The following SLC45A1 variants were observed in gnomAD, a reference collection of about 807,000 sequenced individuals.
SLC45A1 encodes the protein proton-associated sugar transporter A.
SLC45A1 carries 28 observed loss-of-function variants against 57.6 expected under a neutral mutation model. The observed-to-expected ratio is 0.49, with a 90% confidence interval of 0.36 to 0.67. The LOEUF is 0.67. Ranked by LOEUF, SLC45A1 falls within the 30% of genes least tolerant of loss-of-function variation. The pLI is 0.00. For missense variants in SLC45A1, 814 were observed against 1,041.5 expected (o/e 0.78, Z 3.01); for synonymous variants, 459 against 471.5 (o/e 0.97, Z 0.34).
Position 8,330,804 on chromosome 1 carries a change from G to A in SLC45A1, c.1311G>A (p.Val437=). Residue 437 remains valine, a synonymous_variant, in exon 5 of 9, where the codon GTG becomes GTA. Transcript: ENST00000471889. This position sits in a 1 kb window ranked among gnomAD's most constrained non-coding sequence, Gnocchi z 8.4. ...TSGCDGDILR[V]GSLDTSKPRS... ...GCTGTGACGGGGACATTCTGAGGGT[G>A]GGCTCCTTGGACACCTCTAAGCCGA... 6.2e-7 allele frequency: 1 copy of A among 1,613,498 alleles called. No individual in the cohort carries two copies. The highest frequency in any genetic ancestry group is 8.5e-7 in the Non-Finnish European group (1 of 1,180,038).
In SLC45A1 at chr1:8,330,110, A is replaced by G; in HGVS notation, c.716-99A>G. 1 of 1,422,374 alleles carries G rather than the reference A, an allele frequency of 7.0e-7. No individual in the cohort carries two copies. Among genetic ancestry groups the G allele is most frequent in the Non-Finnish European group, 9.6e-7 (1 of 1,041,570 alleles). 88.1% of individuals were successfully genotyped at this position (1,422,374 alleles called of 1,614,324 possible). A position where few individuals can be genotyped will look rare whatever the true frequency, so the allele number is the denominator to read the frequency against. On this transcript the variant is annotated intron_variant, in intron 4 of 8. Coordinates refer to ENST00000471889, the MANE Select transcript of SLC45A1 (RefSeq NM_001080397.3). This position sits in a 1 kb window ranked among gnomAD's most constrained non-coding sequence, Gnocchi z 8.4. ...CAGGTTCTGTGCCCACGTCCCTGGA[A>G]TGGCCTTGGCTACCTTCATGTCCTT...
chr1:8,343,779 G>A lies in SLC45A1; in HGVS notation c.2013G>A (p.Arg671=). Residue 671 remains arginine, a synonymous_variant, in exon 9 of 9, where the codon CGG becomes CGA. Transcript: ENST00000471889. This position sits in a 1 kb window ranked among gnomAD's most constrained non-coding sequence, Gnocchi z 7.7. The part of the protein sequence containing the change: ...FAGSSADGTR[R]GMGVDISLLS... Reference sequence around the variant, plus strand: ...GGTCCAGTGCGGACGGCACCCGGCGGGGCATGGGCGTGGACATCTCTCTGC... The same window carrying A: ...GGTCCAGTGCGGACGGCACCCGGCGAGGCATGGGCGTGGACATCTCTCTGC... 1 of 1,613,888 alleles carries A rather than the reference G, an allele frequency of 6.2e-7. No individual in the cohort carries two copies. The highest frequency in any genetic ancestry group is 8.5e-7 in the Non-Finnish European group (1 of 1,179,868).
At position 8,324,432 on chromosome 1, in the gene SLC45A1, G is replaced by C; in HGVS notation, c.103G>C (p.Val35Leu). 1 of 1,612,798 alleles carries C rather than the reference G, an allele frequency of 6.2e-7. No individual in the cohort carries two copies. The highest frequency in any genetic ancestry group is 1.1e-5 in the South Asian group (1 of 91,068). The change falls in exon 2 of 9, where the codon GTG becomes CTG. Residue 35 changes from valine (V) to leucine (L), a missense_variant. Coordinates refer to ENST00000471889, the MANE Select transcript of SLC45A1 (RefSeq NM_001080397.3). ...CCAGGTCACGGGCTACTCGGGGTCC[G>C]TGACACGACACCTCAGTCACCGGGC... ...RSQVTGYSGS[V>L]TRHLSHRANN... is the part of the protein sequence containing the mutation.
chr1:8,322,731 C>T (rs1391840953), intron 1 of SLC45A1, among the ~76,000 whole-genome samples: 1 of 152,164 alleles, frequency 6.6e-6, no homozygotes, highest in African/African-American at 2.4e-5. Flanking sequence ...TTATCTTGGT[C>T]AATGACAAGC....
chr1:8,330,171 C>T lies in SLC45A1; in HGVS notation c.716-38C>T. 1.9e-6 allele frequency: 3 copies of T among 1,594,852 alleles called. No individual in the cohort carries two copies. The highest frequency in any genetic ancestry group is 2.6e-6 in the Non-Finnish European group (3 of 1,169,884). ...GGCCACCGCGTTTGGGGCTTCTCCT[C>T]CCGCAGAAGGGAACTCAAACCCTGT... On this transcript the variant is annotated intron_variant, in intron 4 of 8. Coordinates refer to ENST00000471889, the MANE Select transcript of SLC45A1 (RefSeq NM_001080397.3). The surrounding 1 kb of genome is among the most constrained non-coding windows in gnomAD (Gnocchi z 8.4).
Position 8,337,664 on chromosome 1 carries a change from C to T in SLC45A1, c.1598-152C>T, listed in dbSNP as rs1006057784. The T allele has an allele frequency of 5.1e-5, 32 of 623,222 alleles. 1 individual carries two copies. The highest frequency in any genetic ancestry group is 7.4e-5 in the African/African-American group (4 of 53,728). The allele number at this position is 623,222 out of a possible 1,614,324, so 38.6% of individuals were successfully genotyped here. Reference sequence around the variant, plus strand: ...CGATTTCCTGACCCTGTGATCCGCCCGCCTCAGCCTCCCAAAGTGCTGGGA... The same window carrying T: ...CGATTTCCTGACCCTGTGATCCGCCTGCCTCAGCCTCCCAAAGTGCTGGGA... On this transcript the variant is annotated intron_variant, in intron 6 of 8. Transcript: ENST00000471889.
intron 1 of SLC45A1, among the ~76,000 whole-genome samples, chr1:8,322,752 G>A (rs1640072775): frequency 6.6e-6 from 1 of 152,218 alleles, no homozygotes; most frequent in South Asian, 2.1e-4. Context: ...GCCATCATCA[G>A]AAATCAATGT....
At chr1:8,340,004 C>T (rs1479731876) in intron 8 of SLC45A1, among the ~76,000 whole-genome samples, 1 of 152,210 alleles carries the variant, frequency 6.6e-6, no homozygotes, top group African/African-American at 2.4e-5. Context: ...CACCGGGTCT[C>T]CTGTTGATGC....
Position 8,343,815 on chromosome 1 carries a change from G to A in SLC45A1, c.2049G>A (p.Gln683=), listed in dbSNP as rs929272772. Residue 683 remains glutamine (Q), a synonymous_variant, in exon 9 of 9, where the codon CAG becomes CAA. Coordinates refer to ENST00000471889, the MANE Select transcript of SLC45A1 (RefSeq NM_001080397.3). This position sits in a 1 kb window ranked among gnomAD's most constrained non-coding sequence, Gnocchi z 7.7. The part of the protein sequence containing the change: ...MGVDISLLSC[Q]YFLAQILVSL... Reference sequence around the variant, plus strand: ...TGGACATCTCTCTGCTGAGCTGCCAGTACTTCCTGGCTCAGATTCTGGTCT... The same window carrying A: ...TGGACATCTCTCTGCTGAGCTGCCAATACTTCCTGGCTCAGATTCTGGTCT... The A allele has an allele frequency of 1.2e-6, 2 of 1,614,200 alleles. No homozygotes were observed. The highest frequency in any genetic ancestry group is 1.7e-6 in the Non-Finnish European group (2 of 1,180,028).
At chr1:8,339,356 TG>T in intron 7 of SLC45A1, 136 bp from the exon 8 acceptor site, 1 of 758,854 alleles carries the variant, frequency 1.3e-6, no homozygotes, top group Non-Finnish European at 2.2e-6. Flanking sequence ...AAGTACTTTC[TG>T]GTCTGGGGCA....
chr1:8,320,702 C>CT (rs1639984194), intron 1 of SLC45A1, among the ~76,000 whole-genome samples: 5 of 101,514 alleles, frequency 4.9e-5, no homozygotes, highest in Admixed American at 1.9e-4. Flanking sequence ...TACACACACA[C>CT]ACACACACAC....
chr1:8,320,037 ATTC>A (rs886444572), intron 1 of SLC45A1, among the ~76,000 whole-genome samples: 1 of 152,156 alleles, frequency 6.6e-6, no homozygotes. Context: ...AGTTTCTAAA[ATTC>A]TTCTTATGAT....
At chr1:8,319,322 C>T (rs1639920537) in intron 1 of SLC45A1, among the ~76,000 whole-genome samples, 1 of 152,114 alleles carries the variant, frequency 6.6e-6, no homozygotes, top group South Asian at 2.1e-4. Flanking sequence ...GGGAGGTGGC[C>T]CAAGGCAACC....
chr1:8,325,750 A>G lies in SLC45A1; in HGVS notation c.491-68A>G, dbSNP rs1640176604. ...TTGAGTCCTAAAGATTCTAGACATA[A>G]GTCGTGAGCTGCCGGGGACAGAGCT... On this transcript the variant is annotated intron_variant, in intron 3 of 8. Coordinates refer to ENST00000471889, the MANE Select transcript of SLC45A1 (RefSeq NM_001080397.3). This position sits in a 1 kb window ranked among gnomAD's most constrained non-coding sequence, Gnocchi z 6.3. 7.1e-7 allele frequency: 1 copy of G among 1,409,586 alleles called. No individual in the cohort carries two copies. Among genetic ancestry groups the G allele is most frequent in the African/African-American group, 1.4e-5 (1 of 70,814 alleles). The allele number at this position is 1,409,586 out of a possible 1,614,324, so 87.3% of individuals were successfully genotyped here.
At chr1:8,338,033 T>C in intron 7 of SLC45A1, 41 bp downstream of exon 7, 2 of 1,594,824 alleles carry the variant, frequency 1.3e-6, no homozygotes, top group South Asian at 1.1e-5. Flanking sequence ...GTGAGAGCTT[T>C]GGTTGGGTCC....
Position 8,343,727 on chromosome 1 carries a change from C to T in SLC45A1, c.1981-20C>T, listed in dbSNP as rs142379567. 2,672 of 1,596,614 alleles carry T rather than the reference C, an allele frequency of 1.7e-3. 31 individuals are homozygous for T. In the African/African-American group the frequency reaches 0.03, roughly 18 times the overall value. Reference sequence around the variant, plus strand: ...CTGGCCGCGGCGTGTCTCGCTGACACGTTTCTTCCTCTGGGTCAGTTTGCA... The same window carrying T: ...CTGGCCGCGGCGTGTCTCGCTGACATGTTTCTTCCTCTGGGTCAGTTTGCA... On this transcript the variant is annotated intron_variant, in intron 8 of 8. Transcript: ENST00000471889. This position sits in a 1 kb window ranked among gnomAD's most constrained non-coding sequence, Gnocchi z 7.7.
At chr1:8,337,473 C>G (rs754048229) in intron 6 of SLC45A1, among the ~76,000 whole-genome samples, 5 of 152,178 alleles carry the variant, frequency 3.3e-5, no homozygotes, top group African/African-American at 1.2e-4. Flanking sequence ...GGCTGGAGGG[C>G]AGTGGCGCGA....
intron 8 of SLC45A1, among the ~76,000 whole-genome samples, chr1:8,340,405 G>T (rs111990648): frequency 6.6e-6 from 1 of 151,824 alleles, no homozygotes; most frequent in Admixed American, 6.6e-5. Context: ...CTCATGATCC[G>T]CCCGCCTCAG....
chr1:8,330,124 C>G lies in SLC45A1; in HGVS notation c.716-85C>G, dbSNP rs1464134540. The G allele has an allele frequency of 6.6e-7, 1 of 1,518,324 alleles. No homozygotes were observed. Among genetic ancestry groups the G allele is most frequent in the Admixed American group, 1.9e-5 (1 of 52,234 alleles). 94.1% of individuals were successfully genotyped at this position (1,518,324 alleles called of 1,614,324 possible). ...ACGTCCCTGGAATGGCCTTGGCTAC[C>G]TTCATGTCCTTCTAAGAACGGGGCC... On this transcript the variant is annotated intron_variant, in intron 4 of 8. Coordinates refer to ENST00000471889, the MANE Select transcript of SLC45A1 (RefSeq NM_001080397.3). The surrounding 1 kb of genome is among the most constrained non-coding windows in gnomAD (Gnocchi z 8.4).
Sources: gnomAD v4.1 joint callset for allele counts (sites outside exome capture counted in the v4.1 genomes callset) on GRCh38, gnomAD v4.1.1 for gene constraint, Gnocchi (gnomAD v3.1) non-coding constraint, MANE v1.5 for transcripts, NCBI Gene and HGNC (gene_info 2026-07-23, HGNC 2026-07-21) for gene names.